The following RRP15 variants were observed in gnomAD, a reference collection of about 807,000 sequenced individuals.
RRP15 encodes ribosomal RNA processing 15 homolog, also known as RRP15-like protein.
Under a neutral mutation model 27.1 loss-of-function variants are expected in RRP15, and 18 were observed. The ratio of observed to expected loss-of-function variants is 0.66; its 90% CI spans 0.46 to 0.98. The LOEUF (loss-of-function observed/expected upper bound fraction) is 0.98, where lower values mean the gene tolerates loss of function less well. Among genes scored for constraint, RRP15 ranks in the 50% least tolerant of loss-of-function variants. The pLI, the probability that RRP15 is intolerant of heterozygous loss-of-function variation, is 0.00. For synonymous variants in RRP15, 107 were observed against 109.4 expected (o/e 0.98, Z 0.14); for missense variants, 359 against 337.8 (o/e 1.06, Z -0.49).
chr1:218,303,640 T>C (rs145260678), intron 2 of RRP15, among the ~76,000 whole-genome samples: 2 of 152,332 alleles, frequency 1.3e-5, no homozygotes, highest in Non-Finnish European at 2.9e-5. Context: ...CTCAGAGTTC[T>C]AGTGAGGGTA....
chr1:218,298,667 G>A (rs373414348), intron 1 of RRP15, among the ~76,000 whole-genome samples: 7 of 152,276 alleles, frequency 4.6e-5, no homozygotes, highest in East Asian at 3.9e-4. Context: ...TCAGTACGTC[G>A]GAGGTTTAGC....
intron 4 of RRP15, among the ~76,000 whole-genome samples, chr1:218,328,935 C>T (rs1656321288): frequency 6.6e-6 from 1 of 152,108 alleles, no homozygotes; most frequent in South Asian, 2.1e-4. Flanking sequence ...CATATGTAAA[C>T]TCAAATATCA....
rs1655879858 is a variant in RRP15, at chr1:218,305,179, G to A, written c.503+54G>A. 10 of 1,380,772 alleles carry A rather than the reference G, an allele frequency of 7.2e-6. 1 individual carries two copies. The South Asian group carries it at 1.2e-4, about 17-fold the overall frequency. 85.5% of individuals were successfully genotyped at this position (1,380,772 alleles called of 1,614,324 possible). ...ATAAGTATACTAAAGCTATCATAGT[G>A]GTTCTATTTTTGACCCAATTTGATT... On this transcript the variant is annotated intron_variant, in intron 3 of 4. Transcript: ENST00000366932.
intron 4 of RRP15, among the ~76,000 whole-genome samples, chr1:218,315,611 A>ATT (rs573084291): frequency 5.2e-5 from 7 of 133,568 alleles, no homozygotes; most frequent in African/African-American, 9.4e-5. Context: ...TTATTATTTT[A>ATT]TTTTTTTTTT....
intron 1 of RRP15, among the ~76,000 whole-genome samples, chr1:218,300,157 A>G (rs879306793): frequency 1.3e-5 from 2 of 152,192 alleles, no homozygotes; most frequent in African/African-American, 2.4e-5. Context: ...TTTATTAAGA[A>G]ATATGCAGCT....
chr1:218,310,312 C>T lies in RRP15; in HGVS notation c.705+2680C>T, dbSNP rs1325189301. On this transcript the variant is annotated intron_variant, in intron 4 of 4. Coordinates refer to ENST00000366932, the MANE Select transcript of RRP15 (RefSeq NM_016052.4). ...CAATATTCCTAATATTGTGAAGTCT[C>T]TAAAATTGGAGGCCACCCACATATA... 2.6e-5 allele frequency among the ~76,000 whole-genome samples: 4 copies of T among 151,952 alleles called. No homozygotes were observed. The South Asian group carries it at 8.3e-4, about 31-fold the overall frequency.
At chr1:218,294,121 A>G (rs1655684356) in intron 1 of RRP15, among the ~76,000 whole-genome samples, 1 of 152,160 alleles carries the variant, frequency 6.6e-6, no homozygotes, top group African/African-American at 2.4e-5. Flanking sequence ...TGTGGAAAAA[A>G]CACCACTCAG....
chr1:218,315,278 G>C (rs1285574330), intron 4 of RRP15, among the ~76,000 whole-genome samples: 2 of 152,074 alleles, frequency 1.3e-5, no homozygotes, highest in Non-Finnish European at 2.9e-5. Flanking sequence ...TTACAACTTA[G>C]ACCCAGACTC....
chr1:218,322,520 T>A (rs1435964444), intron 4 of RRP15, among the ~76,000 whole-genome samples: 1 of 152,106 alleles, frequency 6.6e-6, no homozygotes, highest in Non-Finnish European at 1.5e-5. Flanking sequence ...TACTTTTTTT[T>A]TTTTCTGTTT....
chr1:218,289,981 C>T (rs1469874303), intron 1 of RRP15, among the ~76,000 whole-genome samples: 2 of 152,206 alleles, frequency 1.3e-5, no homozygotes, highest in African/African-American at 4.8e-5. Context: ...TGTGCCTGGC[C>T]TTGCCTGCAT....
chr1:218,330,316 T>C (rs915516151), intron 4 of RRP15, among the ~76,000 whole-genome samples: 9 of 152,210 alleles, frequency 5.9e-5, no homozygotes, highest in African/African-American at 1.7e-4. Flanking sequence ...TGACTACCTA[T>C]TATGTTTATT....
chr1:218,328,544 T>C (rs1474414779), intron 4 of RRP15, among the ~76,000 whole-genome samples: 1 of 151,868 alleles, frequency 6.6e-6, no homozygotes, highest in Non-Finnish European at 1.5e-5. Flanking sequence ...GTGCCTATAG[T>C]CCCAGCTACT....
intron 2 of RRP15, among the ~76,000 whole-genome samples, 191 bp from the exon 3 acceptor site, chr1:218,304,837 C>T (rs997810797): frequency 1.3e-5 from 2 of 152,122 alleles, no homozygotes; most frequent in Non-Finnish European, 2.9e-5. Flanking sequence ...TTGTGCCTCT[C>T]GCATGACACG....
intron 4 of RRP15, among the ~76,000 whole-genome samples, chr1:218,319,389 G>A (rs1210848272): frequency 1.3e-5 from 2 of 152,102 alleles, no homozygotes. Context: ...AAATGTCATG[G>A]ACATAGGGAT....
chr1:218,302,673 T>G (rs1456057213), intron 2 of RRP15, 114 bp downstream of exon 2: 6 of 1,471,684 alleles, frequency 4.1e-6, no homozygotes, highest in Non-Finnish European at 5.5e-6. Context: ...TTTAACTTGT[T>G]TTTTATGTGA....
intron 1 of RRP15, among the ~76,000 whole-genome samples, chr1:218,288,335 G>A (rs998423799): frequency 7.2e-5 from 11 of 152,184 alleles, no homozygotes; most frequent in African/African-American, 1.2e-4. Flanking sequence ...ACTTTCATGT[G>A]AGCTTATAGC....
At chr1:218,305,197 A>C (rs768004491) in intron 3 of RRP15, 72 bp downstream of exon 3, 1 of 1,189,228 alleles carries the variant, frequency 8.4e-7, no homozygotes, top group East Asian at 2.4e-5. Flanking sequence ...TTTTGACCCA[A>C]TTTGATTCTT....
Position 218,323,133 on chromosome 1 carries a change from C to T in RRP15, c.706-7815C>T, listed in dbSNP as rs554941737. ...TGTCACAGCCCTGGCTCAGGGAGCT[C>T]CTAGGTCTGGGCTTCCCGAAGGGCT... On this transcript the variant is annotated intron_variant, in intron 4 of 4. Transcript: ENST00000366932. Among the ~76,000 whole-genome samples the T allele has an allele frequency of 7.2e-5, 11 of 152,322 alleles. No homozygotes were observed. The East Asian group carries it at 2.1e-3, about 29-fold the overall frequency.
In RRP15 at chr1:218,299,302, A is replaced by G. The variant is rs3766756; in HGVS notation, c.140-2992A>G. Among the ~76,000 whole-genome samples, 3 of 152,282 alleles carry G rather than the reference A, an allele frequency of 2.0e-5. No individual in the cohort carries two copies. In the East Asian group the frequency reaches 5.8e-4, roughly 29 times the overall value. On this transcript the variant is annotated intron_variant, in intron 1 of 4. Transcript: ENST00000366932. Reference sequence around the variant, plus strand: ...ATAAAATAAAACCATGACTTAAGGGAATTCTTCTGGATATTTTTTTAATTG... The same window carrying G: ...ATAAAATAAAACCATGACTTAAGGGGATTCTTCTGGATATTTTTTTAATTG...
Sources: allele counts gnomAD v4.1 joint callset (sites outside exome capture counted in the v4.1 genomes callset), GRCh38; gene constraint gnomAD v4.1.1; transcripts MANE v1.5; gene names NCBI Gene and HGNC (gene_info 2026-07-23, HGNC 2026-07-21).